The following SIRT4 variants were observed in gnomAD, a reference collection of about 807,000 sequenced individuals.
SIRT4 encodes sirtuin 4.
In SIRT4, 23 loss-of-function variants were observed where a neutral mutation model predicts 26.1. The ratio of observed to expected loss-of-function variants is 0.88; its 90% CI spans 0.63 to 1.25. SIRT4 has a LOEUF of 1.25. Among genes scored for constraint, SIRT4 ranks in the 50% most tolerant of loss-of-function variants. The pLI is 0.00. For missense variants in SIRT4, 361 were observed against 405.4 expected (o/e 0.89, Z 0.94); for synonymous variants, 155 against 158.4 (o/e 0.98, Z 0.16).
At chr12:120,306,081 A>G (rs1419480861) in intron 2 of SIRT4, among the ~76,000 whole-genome samples, 1 of 152,076 alleles carries the variant, frequency 6.6e-6, no homozygotes, top group Non-Finnish European at 1.5e-5. Context: ...CTGTCATCCC[A>G]GCAACTCAGG....
At chr12:120,310,841 T>C (rs1872932047) in intron 2 of SIRT4, among the ~76,000 whole-genome samples, 1 of 150,924 alleles carries the variant, frequency 6.6e-6, no homozygotes, top group Non-Finnish European at 1.5e-5. Context: ...GTTCACGCCA[T>C]TCTCCTGCCT....
chr12:120,297,621 A>G (rs1566460051), upstream of SIRT4, among the ~76,000 whole-genome samples: 1 of 152,194 alleles, frequency 6.6e-6, no homozygotes, highest in Non-Finnish European at 1.5e-5. Flanking sequence ...TTCCAGCACT[A>G]TGAGAAAAAT....
At chr12:120,306,282 C>A (rs1418236463) in intron 2 of SIRT4, among the ~76,000 whole-genome samples, 1 of 151,666 alleles carries the variant, frequency 6.6e-6, no homozygotes, top group African/African-American at 2.4e-5. Flanking sequence ...TCGAGACCAG[C>A]CTGACCAACA....
At chr12:120,294,269 C>T in the SIRT4 span, among the ~76,000 whole-genome samples, 1 of 150,764 alleles carries the variant, frequency 6.6e-6, no homozygotes, top group Non-Finnish European at 1.5e-5. Context: ...GCTGGAATTA[C>T]AGGTGTGAGC....
chr12:120,293,019 T>A, the SIRT4 span: 1 of 150,624 alleles, frequency 6.6e-6, no homozygotes, highest in South Asian at 2.1e-4. Context: ...TGCGAACAAG[T>A]ACTCTTCAAC....
At chr12:120,311,212 G>C (rs1456825834) in intron 2 of SIRT4, among the ~76,000 whole-genome samples, 1 of 147,608 alleles carries the variant, frequency 6.8e-6, no homozygotes, top group Non-Finnish European at 1.5e-5. Context: ...AAAATTAGCC[G>C]GGCGTGGTGG....
upstream of SIRT4, among the ~76,000 whole-genome samples, chr12:120,299,702 A>G (rs1872478429): frequency 6.6e-6 from 1 of 152,188 alleles, no homozygotes; most frequent in Non-Finnish European, 1.5e-5. Context: ...CGGCGCCTGC[A>G]AAATCACATT....
chr12:120,298,410 T>C (rs1472561626), upstream of SIRT4, among the ~76,000 whole-genome samples: 2 of 151,518 alleles, frequency 1.3e-5, no homozygotes, highest in East Asian at 1.9e-4. Flanking sequence ...CTGGGCAACA[T>C]GGTGAAACCC....
At chr12:120,299,338 G>A (rs2136822526), upstream of SIRT4, among the ~76,000 whole-genome samples, 1 of 151,480 alleles carries the variant, frequency 6.6e-6, no homozygotes, top group East Asian at 2.0e-4. Flanking sequence ...GGTCACCTGA[G>A]GTCACGAGTT....
chr12:120,307,204 G>A (rs755073859), intron 2 of SIRT4, among the ~76,000 whole-genome samples: 3 of 152,124 alleles, frequency 2.0e-5, no homozygotes, highest in Non-Finnish European at 4.4e-5. Context: ...CAGAACCAAA[G>A]TATAGGCTGG....
At chr12:120,297,555 G>A (rs1164007353), upstream of SIRT4, among the ~76,000 whole-genome samples, 23 of 150,062 alleles carry the variant, frequency 1.5e-4, no homozygotes, top group Admixed American at 1.5e-3. Flanking sequence ...AAGAAAGAAA[G>A]AAAAAACAAA....
At chr12:120,293,395 TC>T in the SIRT4 span, among the ~76,000 whole-genome samples, 3 of 152,316 alleles carry the variant, frequency 2.0e-5, no homozygotes, top group Admixed American at 1.3e-4. Flanking sequence ...TTTCTGCATA[TC>T]GTTGCTGATT....
chr12:120,311,839 A>AATTAC (rs1183456808), intron 2 of SIRT4, among the ~76,000 whole-genome samples: 6 of 151,872 alleles, frequency 4.0e-5, no homozygotes, highest in Non-Finnish European at 8.8e-5. Context: ...GAATGGTAAT[A>AATTAC]GACAGTGGCA....
upstream of SIRT4, among the ~76,000 whole-genome samples, chr12:120,300,645 A>G (rs578063577): frequency 2.0e-5 from 3 of 152,176 alleles, no homozygotes; most frequent in Non-Finnish European, 4.4e-5. Context: ...AGTGGGTCTC[A>G]CTATGTTGCC....
chr12:120,312,111 C>T (rs372410737), intron 2 of SIRT4, among the ~76,000 whole-genome samples: 1 of 151,848 alleles, frequency 6.6e-6, no homozygotes, highest in Admixed American at 6.6e-5. Context: ...AGTGAAACAC[C>T]GTCTCTACCA....
chr12:120,293,026 C>G, the SIRT4 span: 2 of 150,514 alleles, frequency 1.3e-5, no homozygotes, highest in African/African-American at 5.0e-5. Flanking sequence ...AAGTACTCTT[C>G]AACCTCCCAA....
Position 120,304,010 on chromosome 12 carries a change from C to T in SIRT4, c.449C>T (p.Thr150Ile). The change falls in exon 2 of 4, where the codon ACC becomes ATC. Residue 150 changes from threonine to isoleucine, a missense_variant. Coordinates refer to ENST00000202967, the MANE Select transcript of SIRT4 (RefSeq NM_012240.3). ...ACCCAAAATGTGGATGCTTTGCACACCAAGGCGGGGAGTCGGCGCCTGACA... is the reference window on the plus strand; with the variant it reads ...ACCCAAAATGTGGATGCTTTGCACATCAAGGCGGGGAGTCGGCGCCTGACA... ...LVTQNVDALH[T>I]KAGSRRLTEL... The T allele has an allele frequency of 6.2e-7, 1 of 1,613,282 alleles. No individual in the cohort carries two copies. The highest frequency in any genetic ancestry group is 8.5e-7 in the Non-Finnish European group (1 of 1,180,028).
intron 2 of SIRT4, among the ~76,000 whole-genome samples, chr12:120,306,948 G>A (rs1183843060): frequency 6.6e-6 from 1 of 152,202 alleles, no homozygotes; most frequent in Non-Finnish European, 1.5e-5. Flanking sequence ...CCATAACGTA[G>A]CCGGGCAGTA....
the SIRT4 span, among the ~76,000 whole-genome samples, chr12:120,292,519 G>T: frequency 6.6e-6 from 1 of 152,212 alleles, no homozygotes; most frequent in Non-Finnish European, 1.5e-5. Context: ...CACGAGAATC[G>T]CTTGAACCCG....
Sources: gnomAD v4.1 joint callset for allele counts (sites outside exome capture counted in the v4.1 genomes callset) on GRCh38, gnomAD v4.1.1 for gene constraint, MANE v1.5 for transcripts, NCBI Gene and HGNC (gene_info 2026-07-23, HGNC 2026-07-21) for gene names.